Variants in STPG2 observed in about 807,000 individuals in gnomAD.
STPG2 encodes the protein sperm-tail PG-rich repeat-containing protein 2.
A neutral mutation model predicts 54.2 loss-of-function variants in STPG2; 56 were observed. The ratio of observed to expected loss-of-function variants is 1.03; its 90% CI spans 0.83 to 1.29. The LOEUF is 1.29. STPG2 is among the 50% of genes most tolerant of loss of function. STPG2 has a pLI of 0.00. For missense variants in STPG2, 596 were observed against 544.9 expected, an observed-to-expected ratio of 1.09 and a Z score of -0.93; for synonymous variants, 200 against 181.8, an observed-to-expected ratio of 1.10 and a Z score of -0.81.
intron 8 of STPG2, among the ~76,000 whole-genome samples, chr4:97,930,736 G>GA: frequency 6.6e-6 from 1 of 152,046 alleles, no homozygotes; most frequent in Middle Eastern, 3.4e-3. Context: ...TAGTTTCATA[G>GA]AAATAGCATT....
intron 9 of STPG2, among the ~76,000 whole-genome samples, chr4:97,785,504 A>G (rs1318172641): frequency 1.3e-5 from 2 of 152,120 alleles, no homozygotes; most frequent in Non-Finnish European, 2.9e-5. Flanking sequence ...ATATAATTGT[A>G]TATACGTTTG....
rs1723796560 is a variant in STPG2 at position 97,702,067 on chromosome 4, G to A, written c.1320+10632C>T. Among the ~76,000 whole-genome samples, 4 of 152,178 alleles carry A rather than the reference G, an allele frequency of 2.6e-5. No homozygotes were observed. The South Asian group carries it at 8.3e-4, about 32-fold the overall frequency. ...TCTTCTGGATCCTCCCAGCTGGGAT[G>A]AGTAGGTCTAAAGACTAATCCATTC... On this transcript the variant is annotated intron_variant, in intron 10 of 10. Coordinates refer to ENST00000295268, the MANE Select transcript of STPG2 (RefSeq NM_174952.3).
At chr4:97,643,148 C>T (rs1466526725) in intron 10 of STPG2, among the ~76,000 whole-genome samples, 6 of 151,432 alleles carry the variant, frequency 4.0e-5, no homozygotes, top group African/African-American at 1.5e-4. Context: ...GCCAGAAATA[C>T]TAGAATGTAA....
chr4:97,628,836 C>A (rs1721140596), intron 10 of STPG2, among the ~76,000 whole-genome samples: 1 of 152,096 alleles, frequency 6.6e-6, no homozygotes, highest in South Asian at 2.1e-4. Context: ...ACAATATTGT[C>A]ACTCATGGTC....
chr4:97,805,976 G>GT (rs1727548890), intron 9 of STPG2, among the ~76,000 whole-genome samples: 1 of 152,072 alleles, frequency 6.6e-6, no homozygotes, highest in South Asian at 2.1e-4. Context: ...TAGCACTACC[G>GT]TTTGACACAG....
At chr4:98,041,793 T>C (rs935718514) in intron 5 of STPG2, among the ~76,000 whole-genome samples, 1 of 151,974 alleles carries the variant, frequency 6.6e-6, no homozygotes, top group African/African-American at 2.4e-5. Context: ...TCTGTAGTTT[T>C]CTTTTTGTGT....
intron 4 of STPG2, among the ~76,000 whole-genome samples, chr4:97,547,608 C>T (rs891238321): frequency 3.9e-5 from 6 of 152,112 alleles, no homozygotes; most frequent in Admixed American, 1.3e-4. Flanking sequence ...GTGGGTGATG[C>T]GGAGAAAGAC....
intron 1 of STPG2, among the ~76,000 whole-genome samples, chr4:98,140,928 C>T (rs775265204): frequency 6.6e-6 from 1 of 152,120 alleles, no homozygotes; most frequent in Non-Finnish European, 1.5e-5. Context: ...TTAAGATTTC[C>T]TTCTGGGAGT....
chr4:98,111,766 C>T (rs1739368042), intron 3 of STPG2, among the ~76,000 whole-genome samples: 2 of 152,058 alleles, frequency 1.3e-5, no homozygotes. Flanking sequence ...GTGAACCATC[C>T]TCACCCAATG....
intron 5 of STPG2, among the ~76,000 whole-genome samples, chr4:97,982,377 TACACACACACAC>T (rs59489663): frequency 3.5e-5 from 5 of 143,538 alleles, no homozygotes; most frequent in Admixed American, 1.4e-4. Flanking sequence ...TCTCTTACTC[TACACACACACAC>T]ACACACACAC....
chr4:97,602,790 CT>C (rs888995842), intron 10 of STPG2, among the ~76,000 whole-genome samples: 1 of 151,648 alleles, frequency 6.6e-6, no homozygotes, highest in Non-Finnish European at 1.5e-5. Flanking sequence ...TATTTTACGC[CT>C]TTATTGCATA....
At chr4:97,836,469 A>G (rs1052713462) in intron 9 of STPG2, among the ~76,000 whole-genome samples, 3 of 151,912 alleles carry the variant, frequency 2.0e-5, no homozygotes, top group East Asian at 1.9e-4. Flanking sequence ...TAGTCTAAAC[A>G]TATTTTTTAT....
chr4:97,597,615 A>G (rs912561350), intron 10 of STPG2, among the ~76,000 whole-genome samples: 1 of 152,226 alleles, frequency 6.6e-6, no homozygotes. Context: ...TTACATAAAC[A>G]GAAATAAAAT....
chr4:97,957,075 A>G (rs1733698762), intron 7 of STPG2, among the ~76,000 whole-genome samples: 2 of 151,964 alleles, frequency 1.3e-5, no homozygotes, highest in South Asian at 4.2e-4. Flanking sequence ...AAATAAATAT[A>G]TATATATGTG....
intron 8 of STPG2, among the ~76,000 whole-genome samples, chr4:97,846,292 C>T (rs762655991): frequency 2.3e-4 from 35 of 151,672 alleles, no homozygotes; most frequent in Non-Finnish European, 3.2e-4. Flanking sequence ...GTGGAATATA[C>T]GGGAAAGAAG....
intron 8 of STPG2, among the ~76,000 whole-genome samples, chr4:97,862,785 A>G (rs1181869525): frequency 6.6e-6 from 1 of 152,230 alleles, no homozygotes; most frequent in Non-Finnish European, 1.5e-5. Context: ...ACTCAGGATT[A>G]AGAAACTCAC....
rs572225075 is a variant in STPG2 at position 97,797,887 on chromosome 4, A to G, written c.1204+42886T>C. 2.7e-3 allele frequency among the ~76,000 whole-genome samples: 411 copies of G among 152,144 alleles called. 2 individuals carry two copies. The highest frequency in any genetic ancestry group is 4.4e-3 in the Non-Finnish European group (299 of 67,984). On this transcript the variant is annotated intron_variant, in intron 9 of 10. Coordinates refer to ENST00000295268, the MANE Select transcript of STPG2 (RefSeq NM_174952.3). Reference sequence around the variant, plus strand: ...AGAGCCTGTTATTGGTCTATTAAGGAATTCAACTTCTTCCTGGTTTAGTCT... The same window carrying G: ...AGAGCCTGTTATTGGTCTATTAAGGGATTCAACTTCTTCCTGGTTTAGTCT...
intron 5 of STPG2, among the ~76,000 whole-genome samples, chr4:98,013,580 CTTTTTTTTTTTTTTTTTT>C (rs34198207): frequency 1.3e-5 from 1 of 74,586 alleles, no homozygotes; most frequent in Admixed American, 2.0e-4. Context: ...TGGTCCTGGG[CTTTTTTTTTTTTTTTTTT>C]TTTTTTTTTT....
At position 97,977,132 on chromosome 4, in the gene STPG2, A is replaced by T. The variant is rs536462813; in HGVS notation, c.772+4027T>A. On this transcript the variant is annotated intron_variant, in intron 6 of 10. Coordinates refer to ENST00000295268, the MANE Select transcript of STPG2 (RefSeq NM_174952.3). Reference sequence around the variant, plus strand: ...GTAAAAGACTAAAAAGTGCCAGAGAAGACCCCTTGCCTCTCCACTATTGAT... The same window carrying T: ...GTAAAAGACTAAAAAGTGCCAGAGATGACCCCTTGCCTCTCCACTATTGAT... Among the ~76,000 whole-genome samples, 3 of 152,314 alleles carry T rather than the reference A, an allele frequency of 2.0e-5. No homozygotes were observed. The South Asian group carries it at 6.2e-4, about 32-fold the overall frequency.
Sources: allele counts gnomAD v4.1 joint callset (sites outside exome capture counted in the v4.1 genomes callset), GRCh38; gene constraint gnomAD v4.1.1; transcripts MANE v1.5; gene names NCBI Gene and HGNC (gene_info 2026-07-23, HGNC 2026-07-21).